MED1: variants seen among roughly 807,000 people sequenced by gnomAD.
MED1 encodes the protein mediator of RNA polymerase II transcription subunit 1.
Under a neutral mutation model 121.3 loss-of-function variants are expected in MED1, and 17 were observed. That is an observed-to-expected ratio of 0.14 (90% CI 0.10 to 0.21). The LOEUF is 0.21. Ranked by LOEUF, MED1 falls within the 10% of genes least tolerant of loss-of-function variation. The probability of loss-of-function intolerance (pLI) is 1.00; values close to 1 mark genes in which losing one functional copy is unlikely to be tolerated. For synonymous variants in MED1, 661 were observed against 694.4 expected (o/e 0.95, Z 0.76); for missense variants, 1,558 against 1,919.4 (o/e 0.81, Z 3.52).
At chr17:39,423,520 A>C (rs1238528256) in intron 12 of MED1, 75 bp from the exon 13 acceptor site, 2 of 1,417,680 alleles carry the variant, frequency 1.4e-6, no homozygotes, top group Non-Finnish European at 2.0e-6. Flanking sequence ...CTTGATATCT[A>C]CATTCATTCA....
intron 3 of MED1, 64 bp downstream of exon 3, chr17:39,443,486 T>C: frequency 1.4e-6 from 2 of 1,415,114 alleles, no homozygotes; most frequent in Non-Finnish European, 2.0e-6. Flanking sequence ...AGTTTAAGTA[T>C]AAAATGGTCC....
intron 16 of MED1, among the ~76,000 whole-genome samples, chr17:39,414,275 T>A (rs1216293363): frequency 6.6e-6 from 1 of 150,898 alleles, no homozygotes; most frequent in African/African-American, 2.4e-5. Flanking sequence ...CAGAGAAGGG[T>A]GAAATCAAAG....
At position 39,408,276 on chromosome 17, in the gene MED1, G is replaced by C; in HGVS notation, c.3945C>G (p.Val1315=). The change falls in exon 17 of 17, where the codon GTC becomes GTG. Residue 1315 remains valine (V), a synonymous_variant. Transcript: ENST00000300651. This position sits in a 1 kb window ranked among gnomAD's most constrained non-coding sequence, Gnocchi z 4.7. ...AVIDKLKHGV[V]TSGPGGEDPL... Reference sequence around the variant, plus strand: ...GGTCTTCACCCCCAGGGCCACTGGTGACAACCCCATGCTTCAGTTTATCTA... The same window carrying C: ...GGTCTTCACCCCCAGGGCCACTGGTCACAACCCCATGCTTCAGTTTATCTA... The C allele has an allele frequency of 1.2e-6, 2 of 1,614,134 alleles. No homozygotes were observed. The highest frequency in any genetic ancestry group is 2.2e-5 in the South Asian group (2 of 91,084).
rs763945027 is a variant in MED1 at position 39,409,813 on chromosome 17, A to G, written c.2408T>C (p.Ile803Thr). Residue 803 changes from isoleucine to threonine, a missense_variant, in exon 17 of 17, where the codon ATT becomes ACT. Physicochemically the swap from Ile to Thr is moderately conservative, Grantham distance 89. Transcript: ENST00000300651. ...TGAAGAATCTCGAAGAGGGGTGCCA[A>G]TGGCTGGGCAATCATCACTAGTGCT... ...LPSTSDDCPA[I>T]GTPLRDSSSS... 4.3e-6 allele frequency: 7 copies of G among 1,614,194 alleles called. No individual in the cohort carries two copies. Among genetic ancestry groups the G allele is most frequent in the South Asian group, 1.1e-5 (1 of 91,082 alleles).
intron 9 of MED1, 64 bp downstream of exon 9, chr17:39,431,051 G>T: frequency 7.2e-7 from 1 of 1,384,992 alleles, no homozygotes. Flanking sequence ...AAGGTGAAAT[G>T]AAAAGTAATG....
chr17:39,418,755 C>T (rs2048434030), intron 14 of MED1, among the ~76,000 whole-genome samples: 1 of 151,562 alleles, frequency 6.6e-6, no homozygotes, highest in Non-Finnish European at 1.5e-5. Flanking sequence ...GATTATCATT[C>T]AGTTCATCTT....
At chr17:39,442,671 C>A (rs1245194426) in intron 3 of MED1, among the ~76,000 whole-genome samples, 1 of 149,732 alleles carries the variant, frequency 6.7e-6, no homozygotes, top group Non-Finnish European at 1.5e-5. Flanking sequence ...CTTTGGGAGG[C>A]CAAGGTGGGC....
At chr17:39,449,514 CTTTT>C (rs111864908) in intron 1 of MED1, among the ~76,000 whole-genome samples, 3 of 122,866 alleles carry the variant, frequency 2.4e-5, no homozygotes, top group African/African-American at 5.6e-5. Flanking sequence ...AATTTTTTTT[CTTTT>C]TTTTTTTTTT....
chr17:39,413,929 A>C (rs1398445277), intron 16 of MED1, among the ~76,000 whole-genome samples: 12 of 149,592 alleles, frequency 8.0e-5, no homozygotes, highest in Admixed American at 5.3e-4. Context: ...AAAAAAAAAA[A>C]AAAAAAAACA....
chr17:39,421,093 G>A (rs2048459449), intron 13 of MED1, among the ~76,000 whole-genome samples: 1 of 151,284 alleles, frequency 6.6e-6, no homozygotes, highest in Non-Finnish European at 1.5e-5. Flanking sequence ...ACCGCTCCCG[G>A]CCACATCAGC....
chr17:39,443,489 A>AT (rs2048698436), intron 3 of MED1, 61 bp downstream of exon 3: 6 of 1,440,460 alleles, frequency 4.2e-6, no homozygotes, highest in Non-Finnish European at 5.8e-6. Context: ...TTAAGTATAA[A>AT]ATGGTCCTTC....
chr17:39,438,162 A>G (rs2048637498), intron 6 of MED1, among the ~76,000 whole-genome samples: 1 of 149,798 alleles, frequency 6.7e-6, no homozygotes, highest in Admixed American at 6.7e-5. Flanking sequence ...ACATGGCGAA[A>G]CCTCGTCTCT....
rs189699543 is a variant in MED1, at chr17:39,406,841, C to G, written c.*634G>C. 1.1e-5 allele frequency: 11 copies of G among 985,344 alleles called. No individual in the cohort carries two copies. The highest frequency in any genetic ancestry group is 1.3e-5 in the Non-Finnish European group (11 of 829,892). 61.0% of individuals were successfully genotyped at this position (985,344 alleles called of 1,614,324 possible). A position where few individuals can be genotyped will look rare whatever the true frequency, so the allele number is the denominator to read the frequency against. ...AACCCTAAACCTCATAGATTTAGAA[C>G]GAAACACTGTATAAAAACAAACAGA... On this transcript the variant is annotated 3_prime_UTR_variant, in exon 17 of 17. Transcript: ENST00000300651.
intron 14 of MED1, among the ~76,000 whole-genome samples, chr17:39,416,788 C>A (rs1190354998): frequency 6.6e-6 from 1 of 152,132 alleles, no homozygotes; most frequent in Non-Finnish European, 1.5e-5. Flanking sequence ...GAGCTCAAGA[C>A]TATCCTATAC....
Position 39,432,560 on chromosome 17 carries a change from C to A in MED1, c.501-544G>T, listed in dbSNP as rs1473803010. ...CTCAGGAGTTTGAGACCAGCCTGGG[C>A]AACACGGTGAAACCCCGTCTCTAAT... On this transcript the variant is annotated intron_variant, in intron 7 of 16. Transcript: ENST00000300651. Among the ~76,000 whole-genome samples, 46 of 149,802 alleles carry A rather than the reference C, an allele frequency of 3.1e-4. 2 individuals carry two copies. The highest frequency in any genetic ancestry group is 1.5e-5 in the Non-Finnish European group (1 of 67,580).
chr17:39,426,304 G>A (rs952403559), intron 10 of MED1, among the ~76,000 whole-genome samples: 10 of 152,012 alleles, frequency 6.6e-5, no homozygotes, highest in South Asian at 2.1e-4. Flanking sequence ...AGAATTAGCC[G>A]GGTGTGGTGG....
chr17:39,410,026 G>C lies in MED1; in HGVS notation c.2195C>G (p.Thr732Arg). Residue 732 changes from threonine to arginine, a missense_variant, in exon 17 of 17, where the codon ACG becomes AGG. By Grantham distance (71) the Thr-to-Arg change is moderately conservative. Around this residue, in one of 5 missense-constraint regions of MED1, gnomAD observed 793 missense variants for 898.2 expected, o/e 0.88. Coordinates refer to ENST00000300651, the MANE Select transcript of MED1 (RefSeq NM_004774.4). ...PIFDVNMTAD[T>R]LDTPHITPAP... is the part of the protein sequence containing the mutation. ...TGGAGTGATGTGTGGCGTATCCAGC[G>C]TGTCAGCTGTCATGTTGACATCAAA... 1 of 1,614,138 alleles carries C rather than the reference G, an allele frequency of 6.2e-7. No homozygotes were observed. Among genetic ancestry groups the C allele is most frequent in the East Asian group, 2.2e-5 (1 of 44,888 alleles).
intron 2 of MED1, among the ~76,000 whole-genome samples, chr17:39,446,307 G>A (rs997064136): frequency 1.3e-4 from 19 of 151,564 alleles, no homozygotes; most frequent in East Asian, 3.9e-4. Context: ...AAAGTTAGCC[G>A]GGAATAGTGG....
intron 2 of MED1, among the ~76,000 whole-genome samples, chr17:39,447,404 A>AC (rs1312598287): frequency 8.6e-5 from 13 of 151,712 alleles, no homozygotes; most frequent in Non-Finnish European, 1.8e-4. Context: ...TAAAAAAAAA[A>AC]AACAAAAAAA....
Sources: gnomAD v4.1 joint callset for allele counts (sites outside exome capture counted in the v4.1 genomes callset) on GRCh38, gnomAD v4.1.1 for gene constraint, gnomAD v4.1.1 regional missense constraint, Gnocchi (gnomAD v3.1) non-coding constraint, MANE v1.5 for transcripts, NCBI Gene and HGNC (gene_info 2026-07-23, HGNC 2026-07-21) for gene names.